The following LRBA variants were observed in gnomAD, a reference collection of about 807,000 sequenced individuals.
LRBA encodes lipopolysaccharide-responsive and beige-like anchor protein.
A neutral mutation model predicts 330.0 loss-of-function variants in LRBA; 176 were observed. The observed-to-expected ratio is 0.53, with a 90% CI of 0.47 to 0.60. LRBA has a LOEUF of 0.60. Among genes scored for constraint, LRBA ranks in the 20% least tolerant of loss-of-function variants. The pLI is 0.00. For missense variants in LRBA, 3,259 were observed against 3,444.8 expected (o/e 0.95, Z 1.35); for synonymous variants, 1,230 against 1,193.0 (o/e 1.03, Z -0.64).
intron 51 of LRBA, among the ~76,000 whole-genome samples, chr4:150,313,501 G>T (rs982973084): frequency 6.6e-6 from 1 of 152,114 alleles, no homozygotes; most frequent in African/African-American, 2.4e-5. Flanking sequence ...TCTTTTAGGA[G>T]GTAGAAGTGT....
At chr4:150,640,374 C>CATCCAATTA (rs1270645672) in intron 37 of LRBA, among the ~76,000 whole-genome samples, 1 of 152,090 alleles carries the variant, frequency 6.6e-6, no homozygotes, top group East Asian at 1.9e-4. Context: ...TAAATACAAG[C>CATCCAATTA]ATCCAATTAT....
intron 48 of LRBA, among the ~76,000 whole-genome samples, chr4:150,339,404 G>A (rs1269956963): frequency 6.6e-6 from 1 of 152,066 alleles, no homozygotes; most frequent in South Asian, 2.1e-4. Flanking sequence ...AAAGACCTCT[G>A]AACAGCCAAA....
chr4:150,698,421 G>A (rs1329756864), intron 36 of LRBA, among the ~76,000 whole-genome samples: 1 of 152,064 alleles, frequency 6.6e-6, no homozygotes, highest in East Asian at 1.9e-4. Flanking sequence ...GCATTAAAAG[G>A]TCTGGTTTTC....
intron 34 of LRBA, among the ~76,000 whole-genome samples, chr4:150,782,884 CT>C (rs929243903): frequency 7.4e-5 from 11 of 148,188 alleles, no homozygotes; most frequent in South Asian, 2.2e-4. Flanking sequence ...GAAACAAAAA[CT>C]TTTTTTTTTA....
intron 42 of LRBA, among the ~76,000 whole-genome samples, chr4:150,472,376 T>A (rs998045480): frequency 2.6e-5 from 4 of 152,054 alleles, no homozygotes; most frequent in Admixed American, 1.3e-4. Context: ...GCCTAGAATC[T>A]CAGAGAAATA....
chr4:150,292,853 TG>T (rs1728492499), intron 53 of LRBA, among the ~76,000 whole-genome samples: 1 of 152,014 alleles, frequency 6.6e-6, no homozygotes, highest in South Asian at 2.1e-4. Context: ...CCATACCACT[TG>T]TAACAACTAA....
intron 44 of LRBA, among the ~76,000 whole-genome samples, chr4:150,464,650 T>C (rs1208520122): frequency 6.6e-6 from 1 of 152,064 alleles, no homozygotes; most frequent in African/African-American, 2.4e-5. Flanking sequence ...TTGCTCTTAG[T>C]TGGACTCCTT....
rs569520910 is a variant in LRBA at position 150,893,836 on chromosome 4, C to T, written c.2068-687G>A. On this transcript the variant is annotated intron_variant, in intron 16 of 56. Transcript: ENST00000651943. ...GACTACAGGTGGCCACCACCACGCC[C>T]GGCTAATTTTTTGTATTTTTATTAG... Among the ~76,000 whole-genome samples the T allele has an allele frequency of 7.2e-5, 11 of 152,000 alleles. No individual in the cohort carries two copies. The South Asian group carries it at 1.5e-3, about 20-fold the overall frequency.
chr4:150,720,144 T>C (rs926793266), intron 36 of LRBA, among the ~76,000 whole-genome samples: 3 of 152,110 alleles, frequency 2.0e-5, no homozygotes. Context: ...TATCCTGTTG[T>C]CTAAGCCAAC....
chr4:150,555,779 A>ACG (rs1398702694), intron 40 of LRBA, among the ~76,000 whole-genome samples: 2 of 150,994 alleles, frequency 1.3e-5, no homozygotes, highest in Admixed American at 6.6e-5. Flanking sequence ...ACACACACAC[A>ACG]CACACACAAA....
intron 40 of LRBA, among the ~76,000 whole-genome samples, chr4:150,516,835 T>C (rs1561292123): frequency 6.6e-6 from 1 of 152,170 alleles, no homozygotes; most frequent in Non-Finnish European, 1.5e-5. Flanking sequence ...AATAAAAATA[T>C]GTATGGCCTT....
intron 52 of LRBA, among the ~76,000 whole-genome samples, chr4:150,308,616 G>A (rs139960289): frequency 1.8e-3 from 267 of 152,306 alleles, no homozygotes; most frequent in African/African-American, 5.8e-3. Context: ...AGCTCCATGC[G>A]TGTTCTTGCC....
At chr4:150,810,782 TG>T (rs1743604962) in intron 31 of LRBA, among the ~76,000 whole-genome samples, 3 of 152,048 alleles carry the variant, frequency 2.0e-5, no homozygotes, top group Admixed American at 2.0e-4. Flanking sequence ...CTATTTTTTT[TG>T]TAGAGACAGG....
chr4:150,590,609 G>T, intron 39 of LRBA, 104 bp downstream of exon 39: 1 of 894,954 alleles, frequency 1.1e-6, no homozygotes, highest in Non-Finnish European at 1.7e-6. Context: ...ATGTAATTGT[G>T]GGTATAAACT....
At chr4:150,700,480 G>C (rs1396386013) in intron 36 of LRBA, among the ~76,000 whole-genome samples, 1 of 152,064 alleles carries the variant, frequency 6.6e-6, no homozygotes, top group Non-Finnish European at 1.5e-5. Flanking sequence ...AGTTGCGTTG[G>C]GTCAGTCAGT....
chr4:150,995,586 C>T (rs1185916358), intron 2 of LRBA, among the ~76,000 whole-genome samples: 1 of 151,598 alleles, frequency 6.6e-6, no homozygotes, highest in Non-Finnish European at 1.5e-5. Flanking sequence ...GATAGTCATA[C>T]AATAATTGGA....
intron 22 of LRBA, among the ~76,000 whole-genome samples, chr4:150,854,005 T>C (rs1395997997): frequency 6.6e-6 from 1 of 152,040 alleles, no homozygotes; most frequent in Non-Finnish European, 1.5e-5. Context: ...GATTTTTTTA[T>C]CCACAAAAAT....
rs1156794002 is a variant in LRBA, at chr4:150,321,248, C to T, written c.7573G>A (p.Val2525Met). The change falls in exon 50 of 57, where the codon GTG becomes ATG. Residue 2525 changes from valine to methionine, a missense_variant. Val to Met is a conservative substitution (Grantham distance 21). Transcript: ENST00000651943. This position sits in a 1 kb window ranked among gnomAD's most constrained non-coding sequence, Gnocchi z 4.5. ...NTQPGLATPA[V>M]ITVTANRLFA... Reference sequence around the variant, plus strand: ...AACCTGTTAGCAGTGACTGTGATCACAGCGGGAGTTGCCAAACCAGGCTGG... The same window carrying T: ...AACCTGTTAGCAGTGACTGTGATCATAGCGGGAGTTGCCAAACCAGGCTGG... 1 of 1,612,270 alleles carries T rather than the reference C, an allele frequency of 6.2e-7. No individual in the cohort carries two copies. The highest frequency in any genetic ancestry group is 2.2e-5 in the East Asian group (1 of 44,836).
chr4:150,915,830 A>G (rs1732525707), intron 7 of LRBA, 103 bp from the exon 8 acceptor site: 1 of 830,422 alleles, frequency 1.2e-6, no homozygotes. Context: ...AATTCAACCT[A>G]AAAATAAAAC....
Sources: allele counts gnomAD v4.1 joint callset (sites outside exome capture counted in the v4.1 genomes callset), GRCh38; gene constraint gnomAD v4.1.1; non-coding constraint Gnocchi (gnomAD v3.1); transcripts MANE v1.5; gene names NCBI Gene and HGNC (gene_info 2026-07-23, HGNC 2026-07-21).